Variants in CTNNA2 observed in about 807,000 individuals in gnomAD.
CTNNA2 encodes catenin alpha-2.
In CTNNA2, 42 loss-of-function variants were observed where a neutral mutation model predicts 101.0. That is an observed-to-expected ratio of 0.42 (90% confidence interval 0.32 to 0.54). The LOEUF (loss-of-function observed/expected upper bound fraction) is 0.54, where lower values mean the gene tolerates loss of function less well. Ranked by LOEUF, CTNNA2 falls within the 20% of genes least tolerant of loss-of-function variation. The pLI, the probability that CTNNA2 is intolerant of heterozygous loss-of-function variation, is 0.14. For missense variants in CTNNA2, 871 were observed against 1,223.1 expected, an observed-to-expected ratio of 0.71 and a Z score of 4.29; for synonymous variants, 450 against 456.4, an observed-to-expected ratio of 0.99 and a Z score of 0.18.
intron 9 of CTNNA2, among the ~76,000 whole-genome samples, chr2:80,525,583 T>C (rs1384268223): frequency 2.0e-5 from 3 of 152,144 alleles, no homozygotes; most frequent in African/African-American, 7.2e-5. Context: ...AATTTCCCCC[T>C]CACCCATCTG....
intron 7 of CTNNA2, among the ~76,000 whole-genome samples, chr2:80,102,055 G>A (rs1431022904): frequency 2.0e-5 from 3 of 152,124 alleles, no homozygotes; most frequent in Admixed American, 2.0e-4. Flanking sequence ...TCAGCAAACT[G>A]GGCACAGGCA....
intron 7 of CTNNA2, among the ~76,000 whole-genome samples, chr2:79,937,448 CTA>C (rs1431935813): frequency 2.0e-5 from 3 of 152,206 alleles, no homozygotes; most frequent in Non-Finnish European, 4.4e-5. Context: ...AATCTTCAGG[CTA>C]TGTCTTCACT....
intron 1 of CTNNA2, among the ~76,000 whole-genome samples, chr2:79,576,060 C>T (rs1288880832): frequency 6.6e-6 from 1 of 152,086 alleles, no homozygotes; most frequent in Admixed American, 6.6e-5. Context: ...TATTCATTTC[C>T]TTTTTTTGGA....
chr2:79,626,249 G>T (rs1265734147), intron 1 of CTNNA2, among the ~76,000 whole-genome samples: 1 of 152,168 alleles, frequency 6.6e-6, no homozygotes, highest in Non-Finnish European at 1.5e-5. Flanking sequence ...GTTCTTAGAT[G>T]CAGAAGGCAC....
chr2:79,772,280 C>T (rs1158374771), intron 3 of CTNNA2, among the ~76,000 whole-genome samples: 1 of 152,174 alleles, frequency 6.6e-6, no homozygotes, highest in Non-Finnish European at 1.5e-5. Flanking sequence ...CGTCCATCCA[C>T]ACTCCACTCC....
At chr2:79,280,889 T>C (rs1371825592) in intron 2 of CTNNA2, among the ~76,000 whole-genome samples, 1 of 151,970 alleles carries the variant, frequency 6.6e-6, no homozygotes, top group South Asian at 2.1e-4. Context: ...CCAGAACCAA[T>C]GACACACCCG....
intron 4 of CTNNA2, among the ~76,000 whole-genome samples, chr2:79,383,294 A>C (rs929651616): frequency 2.0e-5 from 3 of 152,212 alleles, no homozygotes; most frequent in Admixed American, 1.3e-4. Flanking sequence ...ATTTCATGAC[A>C]TTGTTCCTAC....
At position 79,968,983 on chromosome 2, in the gene CTNNA2, A is replaced by G. The variant is rs1452097583; in HGVS notation, c.1056+59186A>G. Among the ~76,000 whole-genome samples the G allele has an allele frequency of 2.0e-5, 3 of 152,320 alleles. No homozygotes were observed. The South Asian group carries it at 6.2e-4, about 32-fold the overall frequency. On this transcript the variant is annotated intron_variant, in intron 7 of 18. Transcript: ENST00000402739. ...TTTCGTCTTAATAGCCCTATGAGAC[A>G]GATACTATGATTATCCTTATTTAAT...
chr2:80,305,829 C>T (rs1040234929), intron 7 of CTNNA2, among the ~76,000 whole-genome samples: 5 of 152,118 alleles, frequency 3.3e-5, no homozygotes, highest in African/African-American at 4.8e-5. Context: ...TGAGTGTGGG[C>T]AAGCCTTCCT....
Position 79,411,490 on chromosome 2 carries a change from A to G in CTNNA2, c.-135+37477A>G, listed in dbSNP as rs183305015. 4.4e-3 allele frequency among the ~76,000 whole-genome samples: 676 copies of G among 152,210 alleles called. 8 individuals carry two copies. Among genetic ancestry groups the G allele is most frequent in the African/African-American group, 0.015 (624 of 41,548 alleles). ...GAAGGAAAAAATGTTAAGGGCAGCC[A>G]GAGAGAAAGGTCGGGTTACCCACAA... On this transcript the variant is annotated intron_variant, in intron 4 of 21. Transcript: ENST00000466387.
chr2:79,243,169 A>G (rs1674655910), intron 2 of CTNNA2, among the ~76,000 whole-genome samples: 1 of 152,070 alleles, frequency 6.6e-6, no homozygotes, highest in African/African-American at 2.4e-5. Context: ...TAAAGAGGAA[A>G]ACTTTTTAAA....
In CTNNA2 at chr2:80,368,110, C is replaced by T. The variant is rs889494638; in HGVS notation, c.1057-25101C>T. On this transcript the variant is annotated intron_variant, in intron 7 of 18. Transcript: ENST00000402739. The stretch of plus-strand genomic sequence containing the variant: ...AATATCAATTTAGAATTTGATTGAA[C>T]CTCAGAGGCCATATCAATGTCATAC... Among the ~76,000 whole-genome samples the T allele has an allele frequency of 9.2e-4, 140 of 152,082 alleles. 1 individual carries two copies. Among genetic ancestry groups the T allele is most frequent in the African/African-American group, 3.2e-3 (132 of 41,422 alleles).
intron 7 of CTNNA2, among the ~76,000 whole-genome samples, chr2:80,111,711 G>C (rs1007698408): frequency 6.6e-6 from 1 of 151,964 alleles, no homozygotes; most frequent in Non-Finnish European, 1.5e-5. Flanking sequence ...TAGGCTAATT[G>C]TTTTACGTTT....
chr2:80,406,335 G>GAAA (rs71669400), intron 8 of CTNNA2, among the ~76,000 whole-genome samples: 1 of 129,624 alleles, frequency 7.7e-6, no homozygotes. Context: ...ACTCCTTCTC[G>GAAA]AAAAAAAAAA....
intron 7 of CTNNA2, among the ~76,000 whole-genome samples, chr2:79,958,993 G>A (rs918967218): frequency 5.3e-5 from 8 of 152,032 alleles, no homozygotes; most frequent in Admixed American, 1.3e-4. Context: ...CTCTAAATTC[G>A]CAAGGATGTA....
intron 9 of CTNNA2, among the ~76,000 whole-genome samples, chr2:80,450,812 A>T (rs1349882746): frequency 6.6e-6 from 1 of 152,146 alleles, no homozygotes. Flanking sequence ...GTTTATGGTG[A>T]TTAAAATTTG....
At chr2:79,730,605 A>C (rs1034938892) in intron 2 of CTNNA2, among the ~76,000 whole-genome samples, 1 of 152,052 alleles carries the variant, frequency 6.6e-6, no homozygotes, top group Non-Finnish European at 1.5e-5. Context: ...TATTAATTCC[A>C]GCTATTAATT....
intron 7 of CTNNA2, among the ~76,000 whole-genome samples, chr2:80,281,033 G>A (rs1366192268): frequency 5.3e-5 from 8 of 152,026 alleles, no homozygotes; most frequent in African/African-American, 1.4e-4. Flanking sequence ...GCAGGGAAAC[G>A]CCATCATTTC....
intron 4 of CTNNA2, among the ~76,000 whole-genome samples, chr2:79,486,785 T>C (rs556392559): frequency 1.3e-5 from 2 of 152,346 alleles, no homozygotes; most frequent in African/African-American, 2.4e-5. Context: ...TGTGAGATGG[T>C]ATCTCATTGT....
Sources: gnomAD v4.1 joint callset for allele counts (sites outside exome capture counted in the v4.1 genomes callset) on GRCh38, gnomAD v4.1.1 for gene constraint, MANE v1.5 for transcripts, NCBI Gene and HGNC (gene_info 2026-07-23, HGNC 2026-07-21) for gene names.